The following CAMTA1 variants were observed in gnomAD, a reference collection of about 807,000 sequenced individuals.
CAMTA1 encodes calmodulin-binding transcription activator 1.
In CAMTA1, 27 loss-of-function variants were observed where a neutral mutation model predicts 170.9. The ratio of observed to expected loss-of-function variants is 0.16; its 90% CI spans 0.12 to 0.22. The LOEUF is 0.22. Ranked by LOEUF, CAMTA1 falls within the 10% of genes least tolerant of loss-of-function variation. The pLI is 1.00. For missense variants in CAMTA1, 1,619 were observed against 2,217.2 expected, an observed-to-expected ratio of 0.73 and a Z score of 5.42; for synonymous variants, 833 against 891.5, an observed-to-expected ratio of 0.93 and a Z score of 1.17.
chr1:7,084,444 G>A (rs1025195184), intron 3 of CAMTA1, among the ~76,000 whole-genome samples: 7 of 152,212 alleles, frequency 4.6e-5, no homozygotes, highest in African/African-American at 1.7e-4. Context: ...CTTCTGGGGA[G>A]GGAGTGGGGG....
chr1:7,496,069 G>T (rs544934944), intron 6 of CAMTA1, among the ~76,000 whole-genome samples: 1 of 152,200 alleles, frequency 6.6e-6, no homozygotes, highest in Non-Finnish European at 1.5e-5. Flanking sequence ...CAGGGAGCCG[G>T]AGGGGAGCGG....
chr1:6,817,414 G>A (rs892036185), intron 1 of CAMTA1, among the ~76,000 whole-genome samples: 1 of 152,146 alleles, frequency 6.6e-6, no homozygotes, highest in African/African-American at 2.4e-5. Context: ...TGTTACTGGT[G>A]ACTCTTAAAG....
At chr1:7,406,379 A>G (rs148400612) in intron 5 of CAMTA1, among the ~76,000 whole-genome samples, 4 of 152,234 alleles carry the variant, frequency 2.6e-5, no homozygotes, top group African/African-American at 7.2e-5. Flanking sequence ...AAGGTAGGAC[A>G]TGAGGCCAGA....
rs61154098 is a variant in CAMTA1 at position 7,394,811 on chromosome 1, T to TTGTGTG, written c.439-72993_439-72988dup. On this transcript the variant is annotated intron_variant, in intron 5 of 22. Coordinates refer to ENST00000303635, the MANE Select transcript of CAMTA1 (RefSeq NM_015215.4). The stretch of plus-strand genomic sequence containing the variant: ...GCATTTCCCCTATATTTTCTTGTAG[T>TTGTGTG]TGTGTGTGTGTGTGTGTGTGTGTGT... 3.1e-3 allele frequency among the ~76,000 whole-genome samples: 457 copies of TTGTGTG among 147,540 alleles called. 1 individual carries two copies. Among genetic ancestry groups the TTGTGTG allele is most frequent in the African/African-American group, 0.01 (405 of 40,020 alleles).
At chr1:7,411,284 G>A (rs975420616) in intron 5 of CAMTA1, among the ~76,000 whole-genome samples, 7 of 152,090 alleles carry the variant, frequency 4.6e-5, no homozygotes, top group Admixed American at 3.3e-4. Context: ...CCTCTTTGGC[G>A]CAATGACAGT....
At chr1:7,202,519 A>G (rs979899803) in intron 4 of CAMTA1, among the ~76,000 whole-genome samples, 10 of 152,198 alleles carry the variant, frequency 6.6e-5, no homozygotes, top group African/African-American at 2.4e-4. Context: ...ACCCATGAAC[A>G]TTGAAGTTTT....
intron 3 of CAMTA1, among the ~76,000 whole-genome samples, chr1:6,845,721 C>G (rs1180771742): frequency 6.6e-6 from 1 of 152,172 alleles, no homozygotes; most frequent in African/African-American, 2.4e-5. Context: ...CACTGCTATT[C>G]TTTGGAAAGC....
At chr1:6,798,753 C>T (rs891723423) in intron 1 of CAMTA1, among the ~76,000 whole-genome samples, 7 of 142,554 alleles carry the variant, frequency 4.9e-5, no homozygotes, top group Non-Finnish European at 7.7e-5. Context: ...CCCGCCACCG[C>T]GCCCGGCTAA....
At position 7,456,285 on chromosome 1, in the gene CAMTA1, G is replaced by A. The variant is rs1472212889; in HGVS notation, c.439-11545G>A. On this transcript the variant is annotated intron_variant, in intron 5 of 22. Transcript: ENST00000303635. This position sits in a 1 kb window ranked among gnomAD's most constrained non-coding sequence, Gnocchi z 4.9. ...GGGGGGCAGGGAGGCAAGAAGAATG[G>A]GAGGGAGGAAGGACAGGGAGCGGGA... Among the ~76,000 whole-genome samples, 1 of 151,716 alleles carries A rather than the reference G, an allele frequency of 6.6e-6. No individual in the cohort carries two copies. Among genetic ancestry groups the A allele is most frequent in the Non-Finnish European group, 1.5e-5 (1 of 67,922 alleles).
intron 3 of CAMTA1, among the ~76,000 whole-genome samples, chr1:6,986,804 C>T (rs1695432895): frequency 6.6e-6 from 1 of 152,052 alleles, no homozygotes; most frequent in African/African-American, 2.4e-5. Context: ...AGCAAACCTC[C>T]CAGGTTTGGA....
chr1:7,282,353 T>G (rs1447382257), intron 5 of CAMTA1, among the ~76,000 whole-genome samples: 1 of 151,994 alleles, frequency 6.6e-6, no homozygotes, highest in Non-Finnish European at 1.5e-5. Context: ...GCCTTCTCTC[T>G]CCTCCAAAAG....
intron 6 of CAMTA1, among the ~76,000 whole-genome samples, chr1:7,502,499 C>T (rs2094022999): frequency 6.6e-6 from 1 of 152,220 alleles, no homozygotes; most frequent in Non-Finnish European, 1.5e-5. Context: ...AGGAGCTCAG[C>T]CACGTTCTGC....
At chr1:6,980,400 G>T (rs1408356676) in intron 3 of CAMTA1, among the ~76,000 whole-genome samples, 1 of 152,210 alleles carries the variant, frequency 6.6e-6, no homozygotes, top group Non-Finnish European at 1.5e-5. Context: ...CTGCATTGAA[G>T]TAGCACCGGG....
At chr1:7,393,133 G>T (rs1170201438) in intron 5 of CAMTA1, among the ~76,000 whole-genome samples, 1 of 151,534 alleles carries the variant, frequency 6.6e-6, no homozygotes, top group Non-Finnish European at 1.5e-5. Flanking sequence ...ATTCTAATAG[G>T]TACATAGTAT....
At chr1:6,789,121 C>T (rs1408491009) in intron 1 of CAMTA1, among the ~76,000 whole-genome samples, 1 of 152,180 alleles carries the variant, frequency 6.6e-6, no homozygotes, top group Non-Finnish European at 1.5e-5. Flanking sequence ...TCCATCTCAT[C>T]ATTGAGTGGA....
intron 3 of CAMTA1, among the ~76,000 whole-genome samples, chr1:7,057,259 C>T (rs753783405): frequency 7.2e-5 from 11 of 152,170 alleles, no homozygotes; most frequent in African/African-American, 2.4e-4. Context: ...CACATGTGCG[C>T]GGCGAGCTCC....
At chr1:7,706,369 T>G (rs1377266975) in intron 11 of CAMTA1, among the ~76,000 whole-genome samples, 2 of 152,226 alleles carry the variant, frequency 1.3e-5, no homozygotes, top group Non-Finnish European at 2.9e-5. Context: ...CCAAGTTTTA[T>G]CGATAAAATG....
chr1:7,427,048 G>A (rs368318761), intron 5 of CAMTA1, among the ~76,000 whole-genome samples: 3 of 152,144 alleles, frequency 2.0e-5, no homozygotes, highest in African/African-American at 2.4e-5. Context: ...CAGGGCAGCC[G>A]ACTTAGAGGC....
chr1:6,948,603 A>G (rs547026346), intron 3 of CAMTA1, among the ~76,000 whole-genome samples: 17 of 152,322 alleles, frequency 1.1e-4, no homozygotes, highest in African/African-American at 3.8e-4. Flanking sequence ...TGGTGGGGAC[A>G]GGGTGGGGCA....
Sources: allele counts gnomAD v4.1 joint callset (sites outside exome capture counted in the v4.1 genomes callset), GRCh38; gene constraint gnomAD v4.1.1; non-coding constraint Gnocchi (gnomAD v3.1); transcripts MANE v1.5; gene names NCBI Gene and HGNC (gene_info 2026-07-23, HGNC 2026-07-21).